Variants in TRERF1 observed in about 807,000 individuals in gnomAD.
TRERF1 encodes transcriptional regulating factor 1.
TRERF1 carries 27 observed loss-of-function variants against 122.9 expected under a neutral mutation model. That is an observed-to-expected ratio of 0.22 (90% CI 0.16 to 0.30). The LOEUF (loss-of-function observed/expected upper bound fraction) is 0.30, where lower values mean the gene tolerates loss of function less well. Ranked by LOEUF, TRERF1 falls within the 10% of genes least tolerant of loss-of-function variation. The pLI is 1.00. For synonymous variants in TRERF1, 636 were observed against 641.7 expected (o/e 0.99, Z 0.13); for missense variants, 1,248 against 1,560.3 (o/e 0.80, Z 3.37).
intron 2 of TRERF1, among the ~76,000 whole-genome samples, chr6:42,369,885 C>G (rs113924356): frequency 6.6e-6 from 1 of 152,024 alleles, no homozygotes; most frequent in Non-Finnish European, 1.5e-5. Flanking sequence ...CCGTCTCCTC[C>G]TTCTCTAACT....
At chr6:42,389,949 T>C (rs1200989784) in intron 2 of TRERF1, among the ~76,000 whole-genome samples, 2 of 152,244 alleles carry the variant, frequency 1.3e-5, no homozygotes, top group Non-Finnish European at 2.9e-5. Context: ...GTCCCTTGTA[T>C]GTGTGAAATG....
chr6:42,337,897 T>C (rs570423182), intron 3 of TRERF1, among the ~76,000 whole-genome samples: 10 of 152,122 alleles, frequency 6.6e-5, no homozygotes, highest in Non-Finnish European at 1.0e-4. Flanking sequence ...TATTAAAAGA[T>C]CCCCAGGGTT....
At chr6:42,345,647 C>G (rs1012121325) in intron 3 of TRERF1, among the ~76,000 whole-genome samples, 3 of 152,232 alleles carry the variant, frequency 2.0e-5, no homozygotes, top group African/African-American at 7.2e-5. Context: ...AAATGTAAAG[C>G]TAAACTAATA....
At chr6:42,418,184 T>C (rs956270303) in intron 2 of TRERF1, among the ~76,000 whole-genome samples, 2 of 150,022 alleles carry the variant, frequency 1.3e-5, no homozygotes, top group Non-Finnish European at 3.0e-5. Context: ...TCATTCGTTC[T>C]TTCTCTCTTT....
chr6:42,448,199 G>C (rs755856731), intron 2 of TRERF1, among the ~76,000 whole-genome samples: 6 of 151,216 alleles, frequency 4.0e-5, no homozygotes, highest in Non-Finnish European at 8.8e-5. Context: ...TGGGCTTTCT[G>C]GTCTCCAGTT....
intron 3 of TRERF1, among the ~76,000 whole-genome samples, chr6:42,351,462 GAC>G (rs1769427783): frequency 6.6e-6 from 1 of 152,166 alleles, no homozygotes; most frequent in South Asian, 2.1e-4. Flanking sequence ...AAGATTTAAA[GAC>G]ACAGGGAAAT....
chr6:42,273,197 C>T (rs1257899158), intron 4 of TRERF1, among the ~76,000 whole-genome samples: 1 of 152,068 alleles, frequency 6.6e-6, no homozygotes, highest in African/African-American at 2.4e-5. Flanking sequence ...CTTTAGACTA[C>T]TCTCTTCCGC....
chr6:42,252,208 C>A (rs1003122574), intron 13 of TRERF1, among the ~76,000 whole-genome samples: 1 of 152,242 alleles, frequency 6.6e-6, no homozygotes, highest in Non-Finnish European at 1.5e-5. Flanking sequence ...TTGCCCACCA[C>A]GTCGGCCCTT....
At chr6:42,236,236 G>C in exon 16 of TRERF1, 1 of 1,599,924 alleles carries the variant, frequency 6.3e-7, no homozygotes, top group Non-Finnish European at 8.5e-7. Context: ...ACAGATGAAG[G>C]AGCCTGAGGG....
intron 3 of TRERF1, among the ~76,000 whole-genome samples, chr6:42,332,195 G>A (rs1446519563): frequency 3.9e-5 from 6 of 152,282 alleles, no homozygotes; most frequent in East Asian, 3.9e-4. Context: ...CGCCCACCTC[G>A]GCCTCCCAAA....
chr6:42,289,482 G>A (rs545857045), intron 4 of TRERF1, among the ~76,000 whole-genome samples: 1 of 152,116 alleles, frequency 6.6e-6, no homozygotes, highest in Non-Finnish European at 1.5e-5. Flanking sequence ...CTGCCAAGAG[G>A]CAAATACAGG....
intron 2 of TRERF1, among the ~76,000 whole-genome samples, chr6:42,386,549 C>T (rs1404166327): frequency 6.6e-6 from 1 of 152,166 alleles, no homozygotes; most frequent in South Asian, 2.1e-4. Context: ...CAAATTGTAG[C>T]ACTTGGCATG....
intron 3 of TRERF1, among the ~76,000 whole-genome samples, chr6:42,361,906 G>A (rs1168253987): frequency 6.6e-6 from 1 of 152,172 alleles, no homozygotes; most frequent in East Asian, 1.9e-4. Context: ...GGAGATCCAA[G>A]GGGTTCAATA....
chr6:42,345,073 G>T (rs1052925315), intron 3 of TRERF1, among the ~76,000 whole-genome samples: 1 of 152,122 alleles, frequency 6.6e-6, no homozygotes, highest in Non-Finnish European at 1.5e-5. Flanking sequence ...AAAGAAGGCA[G>T]GCCTGCCTCT....
At chr6:42,400,001 TC>T (rs897658240) in intron 2 of TRERF1, among the ~76,000 whole-genome samples, 1 of 152,178 alleles carries the variant, frequency 6.6e-6, no homozygotes, top group African/African-American at 2.4e-5. Context: ...CATCTGATAT[TC>T]CAGGAGTCAC....
intron 3 of TRERF1, among the ~76,000 whole-genome samples, chr6:42,342,108 C>T (rs1767407768): frequency 6.6e-6 from 1 of 152,250 alleles, no homozygotes; most frequent in Non-Finnish European, 1.5e-5. Context: ...TGGGCTCCCC[C>T]TGAGGGCAGA....
chr6:42,315,717 C>A (rs116288952), intron 3 of TRERF1, among the ~76,000 whole-genome samples: 36,643 of 145,138 alleles, frequency 0.25, 5,081 homozygotes, highest in Admixed American at 0.39. Context: ...CCCCCCCCCC[C>A]ACCCACTGCC....
intron 4 of TRERF1, among the ~76,000 whole-genome samples, chr6:42,288,196 T>C (rs969270846): frequency 6.6e-6 from 1 of 152,016 alleles, no homozygotes; most frequent in Non-Finnish European, 1.5e-5. Flanking sequence ...CAGTGTCAGT[T>C]ATATAGGGCT....
intron 3 of TRERF1, among the ~76,000 whole-genome samples, chr6:42,348,346 TG>T (rs1038636055): frequency 6.6e-6 from 1 of 152,148 alleles, no homozygotes; most frequent in African/African-American, 2.4e-5. Context: ...CTTTGTCTCC[TG>T]GGTTCAAGCG....
Sources: gnomAD v4.1 joint callset for allele counts (sites outside exome capture counted in the v4.1 genomes callset) on GRCh38, gnomAD v4.1.1 for gene constraint, MANE v1.5 for transcripts, NCBI Gene and HGNC (gene_info 2026-07-23, HGNC 2026-07-21) for gene names.